The following BBS4 variants were observed in gnomAD, a reference collection of about 807,000 sequenced individuals.
BBS4 encodes BBSome complex member BBS4.
Under a neutral mutation model 71.4 loss-of-function variants are expected in BBS4, and 58 were observed. The observed-to-expected ratio is 0.81, with a 90% CI of 0.66 to 1.01. BBS4 has a LOEUF of 1.01. BBS4 is among the 50% of genes least tolerant of loss of function. The pLI is 0.00. For synonymous variants in BBS4, 228 were observed against 216.8 expected (o/e 1.05, Z -0.46); for missense variants, 660 against 607.9 (o/e 1.09, Z -0.90).
chr15:72,731,326 A>G lies in BBS4; in HGVS notation c.733A>G (p.Met245Val), dbSNP rs749737588. ...TCAGGCCATCTTGGCAGCAGGCAGC[A>G]TGATGCAGACCCACGGGGACTTTGA... ...NYKAILAAGS[M>V]MQTHGDFDVA... Residue 245 changes from methionine to valine, a missense_variant, in exon 11 of 16, where the codon ATG becomes GTG. Physicochemically the swap from Met to Val is conservative, Grantham distance 21 (BLOSUM62 1). Transcript: ENST00000268057. 5 of 1,614,016 alleles carry G rather than the reference A, an allele frequency of 3.1e-6. No individual in the cohort carries two copies. The African/African-American group carries it at 4.0e-5, about 13-fold the overall frequency.
At chr15:72,722,579 T>G (rs979864059) in intron 6 of BBS4, among the ~76,000 whole-genome samples, 1 of 152,244 alleles carries the variant, frequency 6.6e-6, no homozygotes, top group African/African-American at 2.4e-5. Flanking sequence ...CTGTTTATTC[T>G]GCTTTTATTT....
chr15:72,720,786 C>T (rs2065557792), intron 6 of BBS4, among the ~76,000 whole-genome samples: 1 of 152,150 alleles, frequency 6.6e-6, no homozygotes. Flanking sequence ...TCCACTGTAC[C>T]AACTGCCTTT....
At chr15:72,704,141 T>G (rs1232548543) in intron 2 of BBS4, among the ~76,000 whole-genome samples, 2 of 152,156 alleles carry the variant, frequency 1.3e-5, no homozygotes, top group East Asian at 3.8e-4. Context: ...CCCACTGTCT[T>G]GGTGATGGTG....
At chr15:72,734,602 G>A (rs1595951406) in intron 12 of BBS4, among the ~76,000 whole-genome samples, 1 of 152,186 alleles carries the variant, frequency 6.6e-6, no homozygotes, top group Non-Finnish European at 1.5e-5. Flanking sequence ...AGCTGGTGGG[G>A]AGGTGGAATG....
intron 2 of BBS4, among the ~76,000 whole-genome samples, chr15:72,697,296 C>T (rs934862240): frequency 6.6e-6 from 1 of 152,138 alleles, no homozygotes. Flanking sequence ...GGGACTTTAA[C>T]AAATTAAAAA....
At chr15:72,712,218 C>G (rs774954367) in intron 3 of BBS4, 26 bp from the exon 4 acceptor site, 1 of 1,610,346 alleles carries the variant, frequency 6.2e-7, no homozygotes, top group Non-Finnish European at 8.5e-7. Flanking sequence ...AACCACTGCT[C>G]AGAAGCATTT....
chr15:72,707,177 C>CTTT lies in BBS4; in HGVS notation c.77-2521_77-2519dup, dbSNP rs756415809. 6.8e-5 allele frequency among the ~76,000 whole-genome samples: 9 copies of CTTT among 132,400 alleles called. 2 individuals carry two copies. The highest frequency in any genetic ancestry group is 1.1e-4 in the African/African-American group (4 of 36,942). 86.9% of individuals were successfully genotyped at this position (132,400 alleles called of 152,430 possible). A position where few individuals can be genotyped will look rare whatever the true frequency, so the allele number is the denominator to read the frequency against. ...GCTCTTCCCTTTCTTTTCCTTTTTT[C>CTTT]TTTTCTTTTTTTTTTTTTGGAGACA... is the stretch of plus-strand genomic sequence containing the variant. On this transcript the variant is annotated intron_variant, in intron 2 of 15. Coordinates refer to ENST00000268057, the MANE Select transcript of BBS4 (RefSeq NM_033028.5).
Position 72,736,973 on chromosome 15 carries a change from T to TACAGA in BBS4, c.1450+11_1450+15dup, listed in dbSNP as rs2065938436. The TACAGA allele has an allele frequency of 6.2e-7, 1 of 1,613,676 alleles. No individual in the cohort carries two copies. Among genetic ancestry groups the TACAGA allele is most frequent in the Admixed American group, 1.7e-5 (1 of 59,998 alleles). On this transcript the variant is annotated intron_variant, in intron 15 of 15. Coordinates refer to ENST00000268057, the MANE Select transcript of BBS4 (RefSeq NM_033028.5). ...AGGACGCTCCCCTCAGGTAGGACCA[T>TACAGA]ACAGAGCTCCATGAAGACCTGGCAG...
chr15:72,703,404 T>C (rs1182715001), intron 2 of BBS4, among the ~76,000 whole-genome samples: 1 of 152,236 alleles, frequency 6.6e-6, no homozygotes, highest in Non-Finnish European at 1.5e-5. Context: ...CTTTGACTGA[T>C]ACAGGGCTCA....
chr15:72,713,313 T>TCACACA (rs1447959074), intron 4 of BBS4, among the ~76,000 whole-genome samples: 2 of 79,178 alleles, frequency 2.5e-5, no homozygotes, highest in Non-Finnish European at 5.3e-5. Flanking sequence ...AAGGTCTTTG[T>TCACACA]GACACACACA....
intron 10 of BBS4, among the ~76,000 whole-genome samples, chr15:72,730,228 G>A (rs1463209813): frequency 6.7e-6 from 1 of 149,870 alleles, no homozygotes; most frequent in African/African-American, 2.5e-5. Flanking sequence ...AGTGAGCTGA[G>A]ATCACGCGCC....
chr15:72,726,688 G>A (rs768935669), intron 8 of BBS4, among the ~76,000 whole-genome samples: 2 of 151,904 alleles, frequency 1.3e-5, no homozygotes, highest in African/African-American at 2.4e-5. Context: ...TTAAGCTACA[G>A]AACAGACTTT....
rs1449065140 is a variant in BBS4, at chr15:72,736,992, C to G, written c.1450+29C>G. ...GGACCATACAGAGCTCCATGAAGAC[C>G]TGGCAGGTACAAGCCACATGTGTCT... On this transcript the variant is annotated intron_variant, in intron 15 of 15. Transcript: ENST00000268057. 4.3e-6 allele frequency: 7 copies of G among 1,609,548 alleles called. No homozygotes were observed. In the South Asian group the frequency reaches 5.5e-5, roughly 13 times the overall value.
chr15:72,708,343 G>A (rs565967342), intron 2 of BBS4, among the ~76,000 whole-genome samples: 1 of 152,298 alleles, frequency 6.6e-6, no homozygotes, highest in Admixed American at 6.5e-5. Context: ...ACCGGCTGGA[G>A]CTGTGGCAGA....
rs901444691 is a variant in BBS4, at chr15:72,735,129, G to T, written c.1053G>T (p.Leu351=). The part of the protein sequence containing the change: ...YMLLAVALTN[L]EDIENAKRAY... ...TTGTTGCAGTGGCTCTGACCAATCT[G>T]GAAGATATAGAAAATGCCAAGAGAG... The change falls in exon 13 of 16, where the codon CTG becomes CTT. Residue 351 remains leucine, a synonymous_variant. Coordinates refer to ENST00000268057, the MANE Select transcript of BBS4 (RefSeq NM_033028.5). The T allele has an allele frequency of 6.2e-7, 1 of 1,613,628 alleles. No individual in the cohort carries two copies. The highest frequency in any genetic ancestry group is 1.7e-5 in the Admixed American group (1 of 60,020).
At chr15:72,694,551 A>G (rs778293660) in intron 1 of BBS4, among the ~76,000 whole-genome samples, 2 of 152,134 alleles carry the variant, frequency 1.3e-5, no homozygotes, top group Non-Finnish European at 2.9e-5. Context: ...GCTATGATGT[A>G]TCTAAGTATG....
chr15:72,696,189 G>C (rs964363456), intron 2 of BBS4, among the ~76,000 whole-genome samples: 1 of 152,084 alleles, frequency 6.6e-6, no homozygotes, highest in African/African-American at 2.4e-5. Context: ...ATACATTTAG[G>C]ATTGTCTGAT....
In BBS4 at chr15:72,716,856, T is replaced by C. The variant is rs926942882; in HGVS notation, c.405+6T>C. The C allele has an allele frequency of 6.3e-6, 10 of 1,599,432 alleles. No individual in the cohort carries two copies. The African/African-American group carries it at 1.3e-4, about 21-fold the overall frequency. On this transcript the variant is annotated splice_donor_region_variant and intron_variant, in intron 6 of 15. Coordinates refer to ENST00000268057, the MANE Select transcript of BBS4 (RefSeq NM_033028.5). ...AACTCAACCAGAAAGATTGGGTAAGTAGAGAACTTTCAGTTCTTTCTTATT... is the reference window on the plus strand; with the variant it reads ...AACTCAACCAGAAAGATTGGGTAAGCAGAGAACTTTCAGTTCTTTCTTATT...
chr15:72,701,725 T>C (rs1295273795), intron 2 of BBS4, among the ~76,000 whole-genome samples: 1 of 152,222 alleles, frequency 6.6e-6, no homozygotes, highest in African/African-American at 2.4e-5. Context: ...TGTTTTACTG[T>C]AAGTATGTAT....
Sources: gnomAD v4.1 joint callset for allele counts (sites outside exome capture counted in the v4.1 genomes callset) on GRCh38, gnomAD v4.1.1 for gene constraint, MANE v1.5 for transcripts, NCBI Gene and HGNC (gene_info 2026-07-23, HGNC 2026-07-21) for gene names.